The following OSBP2 variants were observed in gnomAD, a reference collection of about 807,000 sequenced individuals.
OSBP2 encodes the protein oxysterol binding protein 2.
Under a neutral mutation model 96.0 loss-of-function variants are expected in OSBP2, and 66 were observed. The observed-to-expected ratio is 0.69, with a 90% CI of 0.56 to 0.84. The LOEUF (loss-of-function observed/expected upper bound fraction) is 0.84. Among genes scored for constraint, OSBP2 ranks in the 40% least tolerant of loss-of-function variants. The pLI is 0.00. For missense variants in OSBP2, 1,038 were observed against 1,222.7 expected (o/e 0.85, Z 2.25); for synonymous variants, 525 against 520.9 (o/e 1.01, Z -0.11).
intron 2 of OSBP2, among the ~76,000 whole-genome samples, chr22:30,765,189 T>G (rs1167625880): frequency 6.6e-6 from 1 of 151,848 alleles, no homozygotes; most frequent in African/African-American, 2.4e-5. Context: ...CACCCGGCCC[T>G]CCCCCATTTT....
At chr22:30,866,305 T>C (rs2039335644) in intron 2 of OSBP2, among the ~76,000 whole-genome samples, 1 of 152,144 alleles carries the variant, frequency 6.6e-6, no homozygotes, top group Non-Finnish European at 1.5e-5. Flanking sequence ...AGGAAGGGGC[T>C]ATGAGTGAAG....
chr22:30,742,531 G>C (rs2089953030), intron 2 of OSBP2, among the ~76,000 whole-genome samples: 2 of 152,142 alleles, frequency 1.3e-5, no homozygotes, highest in South Asian at 4.1e-4. Flanking sequence ...CCTACCAAGA[G>C]GCAGCCAGAG....
intron 3 of OSBP2, among the ~76,000 whole-genome samples, chr22:30,875,900 C>T (rs1052313648): frequency 2.0e-5 from 3 of 152,256 alleles, no homozygotes; most frequent in Non-Finnish European, 4.4e-5. Flanking sequence ...TCGCAGGGAA[C>T]AGGCAATCCA....
intron 1 of OSBP2, among the ~76,000 whole-genome samples, chr22:30,730,774 C>CTCTCTATATATATA (rs1569100458): frequency 7.2e-5 from 1 of 13,840 alleles, no homozygotes; most frequent in Non-Finnish European, 1.4e-4. Context: ...CTCTCTCTCT[C>CTCTCTATATATATA]TATATATATA....
intron 12 of OSBP2, among the ~76,000 whole-genome samples, chr22:30,895,200 T>C (rs2040036792): frequency 6.6e-6 from 1 of 152,082 alleles, no homozygotes; most frequent in African/African-American, 2.4e-5. Flanking sequence ...AGTATGTTTA[T>C]TGCGATTCCT....
intron 1 of OSBP2, among the ~76,000 whole-genome samples, chr22:30,733,722 CAATG>C (rs201086435): frequency 5.2e-3 from 787 of 152,232 alleles, no homozygotes; most frequent in Non-Finnish European, 8.6e-3. Context: ...GCCTAAAAAG[CAATG>C]CATTAACTAC....
intron 1 of OSBP2, among the ~76,000 whole-genome samples, chr22:30,725,037 G>A (rs1252115378): frequency 2.0e-5 from 3 of 151,308 alleles, no homozygotes; most frequent in African/African-American, 4.9e-5. Context: ...TTAGCCGGGC[G>A]TGGTGGCAGG....
chr22:30,723,899 G>A (rs891310592), intron 1 of OSBP2, among the ~76,000 whole-genome samples: 1 of 152,144 alleles, frequency 6.6e-6, no homozygotes, highest in African/African-American at 2.4e-5. Context: ...ATTACCCACA[G>A]TGCATGGTTT....
At chr22:30,696,873 G>A (rs1346595173) in intron 1 of OSBP2, among the ~76,000 whole-genome samples, 3 of 152,056 alleles carry the variant, frequency 2.0e-5, no homozygotes, top group African/African-American at 4.8e-5. Context: ...TGCCCAGGCT[G>A]GTTTCGAACT....
In OSBP2 at chr22:30,881,358, G is replaced by C. The variant is rs1173813049; in HGVS notation, c.1108-6068G>C. ...CAGGCCTGTCCCAGGATTGGGCAGT[G>C]GGGTAGCACCCATGCAGGGCCCAGG... On this transcript the variant is annotated intron_variant, in intron 3 of 13. Transcript: ENST00000332585. The surrounding 1 kb of genome is among the most constrained non-coding windows in gnomAD (Gnocchi z 4.5). Among the ~76,000 whole-genome samples, 1 of 152,148 alleles carries C rather than the reference G, an allele frequency of 6.6e-6. No individual in the cohort carries two copies. The highest frequency in any genetic ancestry group is 2.4e-5 in the African/African-American group (1 of 41,428).
chr22:30,865,583 G>A (rs1045324136), intron 2 of OSBP2, among the ~76,000 whole-genome samples: 7 of 129,872 alleles, frequency 5.4e-5, no homozygotes, highest in Non-Finnish European at 6.2e-5. Context: ...AGTGAACTGA[G>A]ATCATGCCAT....
At chr22:30,834,811 CTTTTCTTTTTT>C (rs1023344749) in intron 2 of OSBP2, among the ~76,000 whole-genome samples, 8 of 150,004 alleles carry the variant, frequency 5.3e-5, no homozygotes, top group Non-Finnish European at 1.0e-4. Flanking sequence ...CTTTTCTTTT[CTTTTCTTTTTT>C]TTTTCTTTTT....
chr22:30,727,110 G>GGT (rs1251378046), intron 1 of OSBP2, among the ~76,000 whole-genome samples: 1 of 152,170 alleles, frequency 6.6e-6, no homozygotes. Flanking sequence ...GGAACAGGGA[G>GGT]GTACCATCTC....
intron 2 of OSBP2, among the ~76,000 whole-genome samples, chr22:30,779,128 C>A (rs2145804086): frequency 6.6e-6 from 1 of 151,282 alleles, no homozygotes; most frequent in Admixed American, 6.6e-5. Context: ...TTTGCCCAGG[C>A]TGGAGTGAAG....
intron 1 of OSBP2, among the ~76,000 whole-genome samples, chr22:30,717,831 T>C (rs988798626): frequency 6.6e-6 from 1 of 152,092 alleles, no homozygotes; most frequent in Non-Finnish European, 1.5e-5. Context: ...CTCTGACACC[T>C]CAGTGACAAT....
chr22:30,718,291 A>G lies in OSBP2; in HGVS notation c.644+22738A>G, dbSNP rs573628175. Among the ~76,000 whole-genome samples the G allele has an allele frequency of 1.8e-4, 27 of 152,330 alleles. No homozygotes were observed. In the South Asian group the frequency reaches 5.4e-3, roughly 30 times the overall value. ...AAATTGTAGTTCAGGGATGGCAGAA[A>G]GAAACAGGAGAAATGCTTCAGTCTG... is the stretch of plus-strand genomic sequence containing the variant. On this transcript the variant is annotated intron_variant, in intron 1 of 13. Coordinates refer to ENST00000332585, the MANE Select transcript of OSBP2 (RefSeq NM_030758.4).
chr22:30,898,257 G>A (rs1356601126), intron 12 of OSBP2, among the ~76,000 whole-genome samples: 1 of 152,138 alleles, frequency 6.6e-6, no homozygotes. Context: ...GAGGACTGAG[G>A]TGGGAGGATC....
intron 2 of OSBP2, among the ~76,000 whole-genome samples, chr22:30,753,539 G>A (rs1013369116): frequency 1.3e-5 from 2 of 152,158 alleles, no homozygotes; most frequent in African/African-American, 2.4e-5. Context: ...GGCAAGATCT[G>A]GGACTAGGAC....
chr22:30,699,536 A>G (rs1205309138), intron 1 of OSBP2, among the ~76,000 whole-genome samples: 1 of 152,140 alleles, frequency 6.6e-6, no homozygotes, highest in African/African-American at 2.4e-5. Flanking sequence ...TGAAAAAGAG[A>G]TTCTGTGGAT....
Sources: gnomAD v4.1 joint callset for allele counts (sites outside exome capture counted in the v4.1 genomes callset) on GRCh38, gnomAD v4.1.1 for gene constraint, Gnocchi (gnomAD v3.1) non-coding constraint, MANE v1.5 for transcripts, NCBI Gene and HGNC (gene_info 2026-07-23, HGNC 2026-07-21) for gene names.